The following MAML3 variants were observed in gnomAD, a reference collection of about 807,000 sequenced individuals.
The protein encoded by MAML3 is mastermind like transcriptional coactivator 3, also known as mastermind-like protein 3.
MAML3 carries 27 observed loss-of-function variants against 101.9 expected under a neutral mutation model. The observed-to-expected ratio is 0.27, with a 90% CI of 0.20 to 0.37. The LOEUF (loss-of-function observed/expected upper bound fraction) is 0.37. Ranked by LOEUF, MAML3 falls within the 10% of genes least tolerant of loss-of-function variation. The pLI is 1.00. For synonymous variants in MAML3, 501 were observed against 555.9 expected (o/e 0.90, Z 1.39); for missense variants, 1,316 against 1,444.9 (o/e 0.91, Z 1.45).
chr4:140,015,278 A>T (rs1726623920), intron 1 of MAML3, among the ~76,000 whole-genome samples: 1 of 152,210 alleles, frequency 6.6e-6, no homozygotes, highest in Non-Finnish European at 1.5e-5. Flanking sequence ...AAAGAGAATG[A>T]AATTTAAAAT....
chr4:140,047,013 A>G (rs1727194004), intron 1 of MAML3, among the ~76,000 whole-genome samples: 1 of 152,102 alleles, frequency 6.6e-6, no homozygotes, highest in Non-Finnish European at 1.5e-5. Context: ...GGTCGGAAAA[A>G]AGTGGCCATG....
chr4:139,988,553 G>T (rs1334363536), intron 1 of MAML3, among the ~76,000 whole-genome samples: 4 of 152,072 alleles, frequency 2.6e-5, no homozygotes, highest in Non-Finnish European at 2.9e-5. Context: ...AAAAGTCTAA[G>T]TTCATTAAAC....
At chr4:140,079,071 G>C (rs77345459) in intron 1 of MAML3, among the ~76,000 whole-genome samples, 196 of 152,290 alleles carry the variant, frequency 1.3e-3, no homozygotes, top group African/African-American at 4.4e-3. Context: ...GAAGGCAAAA[G>C]CAGGAATCAA....
At chr4:139,730,963 A>C in intron 2 of MAML3, 3 of 395,808 alleles carry the variant, frequency 7.6e-6, no homozygotes, top group Non-Finnish European at 9.2e-6. Context: ...TTCAACTAAC[A>C]TCCTGTGTTC....
chr4:140,090,848 T>A (rs553253202), intron 1 of MAML3, among the ~76,000 whole-genome samples: 59 of 152,252 alleles, frequency 3.9e-4, no homozygotes, highest in Middle Eastern at 3.4e-3. Flanking sequence ...GTTGCAAGTT[T>A]GAGACCAGCC....
At chr4:140,108,013 T>C (rs1178873757) in intron 1 of MAML3, among the ~76,000 whole-genome samples, 1 of 151,826 alleles carries the variant, frequency 6.6e-6, no homozygotes, top group African/African-American at 2.4e-5. Flanking sequence ...TAAAAGGAAA[T>C]AACCACAACC....
intron 1 of MAML3, among the ~76,000 whole-genome samples, chr4:140,150,658 G>C (rs1292989072): frequency 6.6e-6 from 1 of 152,186 alleles, no homozygotes; most frequent in African/African-American, 2.4e-5. Flanking sequence ...TACACGAAAA[G>C]AGGACGCGGG....
At chr4:140,095,841 C>T (rs999184765) in intron 1 of MAML3, among the ~76,000 whole-genome samples, 3 of 152,196 alleles carry the variant, frequency 2.0e-5, no homozygotes, top group Admixed American at 1.3e-4. Context: ...CTCCCCTTCA[C>T]CCAGCTAATA....
chr4:139,789,654 A>G (rs1422771917), intron 2 of MAML3, among the ~76,000 whole-genome samples: 1 of 152,212 alleles, frequency 6.6e-6, no homozygotes, highest in Non-Finnish European at 1.5e-5. Context: ...AGGAGCCACT[A>G]AAGTCTTCTG....
At chr4:139,755,525 G>A (rs1167794899) in intron 2 of MAML3, among the ~76,000 whole-genome samples, 2 of 152,136 alleles carry the variant, frequency 1.3e-5, no homozygotes, top group African/African-American at 2.4e-5. Flanking sequence ...GGAGAATGGC[G>A]TGAACCCGGG....
At chr4:140,068,078 T>G (rs1727570746) in intron 1 of MAML3, among the ~76,000 whole-genome samples, 2 of 152,184 alleles carry the variant, frequency 1.3e-5, no homozygotes, top group Admixed American at 6.5e-5. Flanking sequence ...AGGCCTTTTC[T>G]GACTTAGCCT....
At chr4:139,896,652 G>A (rs1732621339) in intron 1 of MAML3, among the ~76,000 whole-genome samples, 1 of 146,172 alleles carries the variant, frequency 6.8e-6, no homozygotes, top group Admixed American at 6.9e-5. Context: ...GTGTGTGTGT[G>A]AGAGAGAGAG....
chr4:139,868,161 T>C (rs1173919960), intron 2 of MAML3, among the ~76,000 whole-genome samples: 1 of 152,212 alleles, frequency 6.6e-6, no homozygotes, highest in African/African-American at 2.4e-5. Context: ...ACATATTGTT[T>C]TAGACCATCT....
intron 2 of MAML3, among the ~76,000 whole-genome samples, chr4:139,868,411 T>C (rs1245760094): frequency 6.6e-6 from 1 of 152,168 alleles, no homozygotes; most frequent in African/African-American, 2.4e-5. Flanking sequence ...GAAAATAAAT[T>C]AAAATGTGAA....
chr4:139,826,028 G>A (rs952291969), intron 2 of MAML3, among the ~76,000 whole-genome samples: 1 of 152,168 alleles, frequency 6.6e-6, no homozygotes, highest in African/African-American at 2.4e-5. Context: ...GGAGCCCTGT[G>A]GGAGGAAGGG....
At position 139,719,484 on chromosome 4, in the gene MAML3, G is replaced by A. The variant is rs1438200852; in HGVS notation, c.3256C>T (p.Arg1086Trp). Residue 1086 changes from arginine to tryptophan, a missense_variant, in exon 5 of 5, where the codon CGG (arginine) becomes TGG (tryptophan). By Grantham distance (101) the Arg-to-Trp change is moderately radical. Transcript: ENST00000509479. ...APSSQSQAYE[R>W]NAPQDVSYNY... is the part of the protein sequence containing the mutation. ...TATGACACGTCCTGAGGGGCATTCC[G>A]CTCATAGGCTTGGCTCTGGCTGCTT... is the stretch of plus-strand genomic sequence containing the variant. 8 of 1,614,004 alleles carry A rather than the reference G, an allele frequency of 5.0e-6. No homozygotes were observed. The highest frequency in any genetic ancestry group is 1.6e-4 in the Middle Eastern group (1 of 6,062).
At chr4:140,106,535 C>G (rs1728355179) in intron 1 of MAML3, among the ~76,000 whole-genome samples, 1 of 152,180 alleles carries the variant, frequency 6.6e-6, no homozygotes, top group Non-Finnish European at 1.5e-5. Context: ...CAACTGTGAC[C>G]TTAACTCTGC....
At chr4:140,120,991 T>G (rs916572821) in intron 1 of MAML3, among the ~76,000 whole-genome samples, 6 of 152,250 alleles carry the variant, frequency 3.9e-5, no homozygotes, top group Non-Finnish European at 5.9e-5. Context: ...GACTTAACTT[T>G]AAGCTTCTAA....
chr4:139,733,637 T>TCAGGCTTCCACA (rs571266404), intron 2 of MAML3, among the ~76,000 whole-genome samples: 233 of 152,134 alleles, frequency 1.5e-3, no homozygotes, highest in Non-Finnish European at 2.0e-3. Context: ...GGTTTTGCCT[T>TCAGGCTTCCACA]CAGGCTTCTC....
Sources: allele counts gnomAD v4.1 joint callset (sites outside exome capture counted in the v4.1 genomes callset), GRCh38; gene constraint gnomAD v4.1.1; transcripts MANE v1.5; gene names NCBI Gene and HGNC (gene_info 2026-07-23, HGNC 2026-07-21).